TNFRSF11A: variants seen among roughly 807,000 people sequenced by gnomAD.
TNFRSF11A encodes tumor necrosis factor receptor superfamily member 11A.
In TNFRSF11A, 32 loss-of-function variants were observed where a neutral mutation model predicts 55.7. That is an observed-to-expected ratio of 0.57 (90% CI 0.43 to 0.77). The LOEUF (loss-of-function observed/expected upper bound fraction) is 0.77. TNFRSF11A is among the 30% of genes least tolerant of loss of function. TNFRSF11A has a pLI of 0.00. For synonymous variants in TNFRSF11A, 311 were observed against 331.0 expected, an observed-to-expected ratio of 0.94 and a Z score of 0.65; for missense variants, 753 against 809.8, an observed-to-expected ratio of 0.93 and a Z score of 0.85.
chr18:62,327,652 C>T (rs1465491617), intron 1 of TNFRSF11A, among the ~76,000 whole-genome samples: 1 of 152,142 alleles, frequency 6.6e-6, no homozygotes, highest in East Asian at 1.9e-4. Context: ...TGATCAAACA[C>T]CAGGCAAGAC....
chr18:62,349,510 G>A (rs981864339), intron 2 of TNFRSF11A, among the ~76,000 whole-genome samples: 1 of 152,122 alleles, frequency 6.6e-6, no homozygotes, highest in African/African-American at 2.4e-5. Flanking sequence ...AGACTTTTTG[G>A]GTGCAGAGGG....
intron 6 of TNFRSF11A, among the ~76,000 whole-genome samples, chr18:62,360,534 A>G (rs550632868): frequency 2.0e-5 from 3 of 151,682 alleles, no homozygotes; most frequent in South Asian, 2.1e-4. Context: ...GCAACCTCCA[A>G]CTCCCGGGTT....
At position 62,390,519 on chromosome 18, in the gene TNFRSF11A, C is replaced by T. The variant is rs1263580769; in HGVS notation, c.*5485C>T. ...AGGAGGTGGCATTATAGGTCCAGGC[C>T]CCTTCAGGAGGGCACTGGAGTCAAT... On this transcript the variant is annotated 3_prime_UTR_variant, in exon 10 of 10. Coordinates refer to ENST00000586569, the MANE Select transcript of TNFRSF11A (RefSeq NM_003839.4). The T allele has an allele frequency of 1.3e-5, 2 of 152,164 alleles. No individual in the cohort carries two copies. Among genetic ancestry groups the T allele is most frequent in the African/African-American group, 4.8e-5 (2 of 41,432 alleles). The allele number at this position is 152,164 out of a possible 1,614,324, so 9.4% of individuals were successfully genotyped here.
chr18:62,381,932 G>C (rs1381733297), intron 9 of TNFRSF11A, among the ~76,000 whole-genome samples: 2 of 151,846 alleles, frequency 1.3e-5, no homozygotes, highest in Non-Finnish European at 2.9e-5. Flanking sequence ...TTGCTGCTAC[G>C]GTAGAAGCCT....
intron 1 of TNFRSF11A, among the ~76,000 whole-genome samples, chr18:62,332,130 A>G (rs559715263): frequency 6.6e-6 from 1 of 152,348 alleles, no homozygotes; most frequent in Non-Finnish European, 1.5e-5. Flanking sequence ...TGTGATGGCT[A>G]AGCTGGGCAA....
intron 1 of TNFRSF11A, among the ~76,000 whole-genome samples, chr18:62,326,700 A>G (rs2046080985): frequency 6.6e-6 from 1 of 152,238 alleles, no homozygotes; most frequent in South Asian, 2.1e-4. Flanking sequence ...AACAAATGCT[A>G]TCAAAATAAG....
chr18:62,376,385 G>A (rs761407661), intron 9 of TNFRSF11A, among the ~76,000 whole-genome samples: 13 of 151,674 alleles, frequency 8.6e-5, no homozygotes, highest in South Asian at 2.1e-4. Flanking sequence ...GGAGGCAAGA[G>A]GGGAGGGACA....
At chr18:62,356,126 G>C (rs535632791) in intron 4 of TNFRSF11A, among the ~76,000 whole-genome samples, 5 of 152,326 alleles carry the variant, frequency 3.3e-5, no homozygotes, top group Admixed American at 2.0e-4. Flanking sequence ...TATAACAAAA[G>C]CGTTTTTTTC....
chr18:62,377,106 G>T (rs529380688), intron 9 of TNFRSF11A, among the ~76,000 whole-genome samples: 1 of 152,042 alleles, frequency 6.6e-6, no homozygotes, highest in African/African-American at 2.4e-5. Flanking sequence ...TAGTAGAGAC[G>T]GGGTTTCACT....
intron 3 of TNFRSF11A, among the ~76,000 whole-genome samples, chr18:62,350,331 C>T (rs781100948): frequency 2.6e-5 from 4 of 152,112 alleles, no homozygotes; most frequent in Non-Finnish European, 4.4e-5. Flanking sequence ...CTCGCTCTGT[C>T]GCCCAGGCTG....
intron 1 of TNFRSF11A, among the ~76,000 whole-genome samples, chr18:62,331,492 G>A (rs2145238210): frequency 6.6e-6 from 1 of 152,296 alleles, no homozygotes; most frequent in African/African-American, 2.4e-5. Flanking sequence ...CATGGTAAAA[G>A]CCCCGTGGCA....
chr18:62,382,688 C>T lies in TNFRSF11A; in HGVS notation c.1568-2063C>T, dbSNP rs117114653. ...GTGGAACCAGCTTGCTTCTGTGCCG[C>T]CATTTTGAAACCAGAAGTCCTTCCT... is the stretch of plus-strand genomic sequence containing the variant. On this transcript the variant is annotated intron_variant, in intron 9 of 9. Coordinates refer to ENST00000586569, the MANE Select transcript of TNFRSF11A (RefSeq NM_003839.4). Among the ~76,000 whole-genome samples the T allele has an allele frequency of 2.1e-3, 321 of 152,166 alleles. 4 individuals are homozygous for T. The highest frequency in any genetic ancestry group is 0.014 in the Middle Eastern group (4 of 294).
chr18:62,346,759 T>C (rs1207482191), intron 1 of TNFRSF11A, among the ~76,000 whole-genome samples: 2 of 152,242 alleles, frequency 1.3e-5, no homozygotes, highest in Non-Finnish European at 2.9e-5. Context: ...TTTATAAAGC[T>C]GCCTTCTATA....
At chr18:62,367,018 T>G (rs994518242) in intron 8 of TNFRSF11A, among the ~76,000 whole-genome samples, 3 of 152,168 alleles carry the variant, frequency 2.0e-5, no homozygotes, top group Non-Finnish European at 4.4e-5. Context: ...CTGGCTAATT[T>G]TTTGTGTTTT....
chr18:62,385,248 G>T lies in TNFRSF11A; in HGVS notation c.*214G>T, dbSNP rs886054085. On this transcript the variant is annotated 3_prime_UTR_variant, in exon 10 of 10. Transcript: ENST00000586569. ...CATGCCCACGGATGCTCAGCAGCCC[G>T]CCGCACTGGGGCAGATGTCTCCCCT... is the stretch of plus-strand genomic sequence containing the variant. The T allele has an allele frequency of 2.1e-6, 1 of 480,546 alleles. No individual in the cohort carries two copies. Among genetic ancestry groups the T allele is most frequent in the African/African-American group, 2.1e-5 (1 of 48,576 alleles). The allele number at this position is 480,546 out of a possible 1,614,324, so 29.8% of individuals were successfully genotyped here.
intron 1 of TNFRSF11A, among the ~76,000 whole-genome samples, chr18:62,326,552 A>T (rs1391736782): frequency 6.6e-6 from 1 of 152,218 alleles, no homozygotes; most frequent in Non-Finnish European, 1.5e-5. Flanking sequence ...TATTTGAACC[A>T]AAGGACCAGG....
chr18:62,362,363 G>A (rs1909755495), intron 7 of TNFRSF11A, among the ~76,000 whole-genome samples: 1 of 151,896 alleles, frequency 6.6e-6, no homozygotes, highest in African/African-American at 2.4e-5. Flanking sequence ...GGTGGCACAT[G>A]CCTGTAATTC....
intron 1 of TNFRSF11A, among the ~76,000 whole-genome samples, chr18:62,328,257 T>C (rs545462837): frequency 6.6e-6 from 1 of 151,878 alleles, no homozygotes; most frequent in South Asian, 2.1e-4. Context: ...GCTGGAGGAA[T>C]CCCTAAGGAC....
At chr18:62,329,492 T>C (rs190065383) in intron 1 of TNFRSF11A, among the ~76,000 whole-genome samples, 1 of 152,352 alleles carries the variant, frequency 6.6e-6, no homozygotes, top group Non-Finnish European at 1.5e-5. Flanking sequence ...GGGACGGCCT[T>C]TCTGTGTATT....
Sources: gnomAD v4.1 joint callset for allele counts (sites outside exome capture counted in the v4.1 genomes callset) on GRCh38, gnomAD v4.1.1 for gene constraint, MANE v1.5 for transcripts, NCBI Gene and HGNC (gene_info 2026-07-23, HGNC 2026-07-21) for gene names.